Variants in ZNF689 observed in about 807,000 individuals in gnomAD.
The protein encoded by ZNF689 is zinc finger protein 689.
Under a neutral mutation model 37.2 loss-of-function variants are expected in ZNF689, and 14 were observed. That is an observed-to-expected ratio of 0.38 (90% CI 0.25 to 0.59). The LOEUF (loss-of-function observed/expected upper bound fraction) is 0.59, where lower values mean the gene tolerates loss of function less well. Among genes scored for constraint, ZNF689 ranks in the 20% least tolerant of loss-of-function variants. The probability of loss-of-function intolerance (pLI) is 0.68; values close to 1 mark genes in which losing one functional copy is unlikely to be tolerated. For missense variants in ZNF689, 573 were observed against 700.2 expected, an observed-to-expected ratio of 0.82 and a Z score of 2.05; for synonymous variants, 277 against 283.3, an observed-to-expected ratio of 0.98 and a Z score of 0.22.
chr16:30,610,702 G>A (rs1167414160), upstream of ZNF689: 1 of 152,360 alleles, frequency 6.6e-6, no homozygotes, highest in African/African-American at 2.4e-5. Flanking sequence ...CCGAGTTAGA[G>A]CTGAGATTAT....
At position 30,604,576 on chromosome 16, in the gene ZNF689, C is replaced by G; in HGVS notation, c.1191G>C (p.Glu397Asp). ...AGTCGTCGCAGGCGTGCAGCTTCTC[C>G]TCTGTGTGCGTGCTGCGATGGATGG... Reference protein sequence around the residue: ...SLAIHRSTHTEEKLHACDDCG... With the variant: ...SLAIHRSTHTDEKLHACDDCG... Residue 397 changes from glutamate (E) to aspartate (D), a missense_variant, in exon 3 of 3, where the codon GAG becomes GAC. This residue lies in a region of ZNF689 where 317 missense variants were observed against 367.1 expected (regional missense o/e 0.86). Coordinates refer to ENST00000287461, the MANE Select transcript of ZNF689 (RefSeq NM_138447.3). The surrounding 1 kb of genome is among the most constrained non-coding windows in gnomAD (Gnocchi z 5.2). The G allele has an allele frequency of 6.3e-7, 1 of 1,590,080 alleles. No individual in the cohort carries two copies. Among genetic ancestry groups the G allele is most frequent in the South Asian group, 1.1e-5 (1 of 88,558 alleles).
chr16:30,604,367 CG>C lies in ZNF689; in HGVS notation c.1399del (p.Arg467AlafsTer128), dbSNP rs2052012411. On this transcript the variant is annotated frameshift_variant, in exon 3 of 3. Transcript: ENST00000287461. LOFTEE classifies it low-confidence loss of function (END_TRUNC). The surrounding 1 kb of genome is among the most constrained non-coding windows in gnomAD (Gnocchi z 5.2). The stretch of plus-strand genomic sequence containing the variant: ...GTGGACAGCCAGAGACCACCTCTGG[CG>C]GAAGCACCGGCCACACTCGAGGCAG... The part of the protein sequence containing the change: ...FPCLECGRCF[R>X]QRWSLAVHKC... 1 of 1,613,416 alleles carries C rather than the reference CG, an allele frequency of 6.2e-7. No homozygotes were observed. Among genetic ancestry groups the C allele is most frequent in the Non-Finnish European group, 8.5e-7 (1 of 1,179,814 alleles).
Position 30,605,538 on chromosome 16 carries a change from C to T in ZNF689, c.320-91G>A. The T allele has an allele frequency of 7.4e-7, 1 of 1,347,598 alleles. No individual in the cohort carries two copies. The highest frequency in any genetic ancestry group is 1.0e-6 in the Non-Finnish European group (1 of 983,300). 83.5% of individuals were successfully genotyped at this position (1,347,598 alleles called of 1,614,324 possible). A position where few individuals can be genotyped will look rare whatever the true frequency, so the allele number is the denominator to read the frequency against. On this transcript the variant is annotated intron_variant, in intron 2 of 2. Coordinates refer to ENST00000287461, the MANE Select transcript of ZNF689 (RefSeq NM_138447.3). The surrounding 1 kb of genome is among the most constrained non-coding windows in gnomAD (Gnocchi z 5.1). Reference sequence around the variant, plus strand: ...GGTTACAAGACCAATAGACTCACCCCCTGGTCTCAATTCCTAGTGCCACAG... The same window carrying T: ...GGTTACAAGACCAATAGACTCACCCTCTGGTCTCAATTCCTAGTGCCACAG...
In ZNF689 at chr16:30,603,942, C is replaced by T. The variant is rs995868304; in HGVS notation, c.*322G>A. The stretch of plus-strand genomic sequence containing the variant: ...ATTCTCCTGATTGCATGCAAGATGA[C>T]AGGTAATCCCTGTGTGGACAGACTA... On this transcript the variant is annotated 3_prime_UTR_variant, in exon 3 of 3. Coordinates refer to ENST00000287461, the MANE Select transcript of ZNF689 (RefSeq NM_138447.3). 7 of 458,280 alleles carry T rather than the reference C, an allele frequency of 1.5e-5. No individual in the cohort carries two copies. Among genetic ancestry groups the T allele is most frequent in the African/African-American group, 1.2e-4 (6 of 50,574 alleles). 28.4% of individuals were successfully genotyped at this position (458,280 alleles called of 1,614,324 possible).
At chr16:30,609,022 C>T (rs2052062949) in intron 2 of ZNF689, among the ~76,000 whole-genome samples, 1 of 152,202 alleles carries the variant, frequency 6.6e-6, no homozygotes, top group South Asian at 2.1e-4. Flanking sequence ...AGCTGTTCCC[C>T]ATGAGCTCCC....
Position 30,604,495 on chromosome 16 carries a change from C to G in ZNF689, c.1272G>C (p.Ser424=). 1.3e-6 allele frequency: 2 copies of G among 1,599,598 alleles called. No individual in the cohort carries two copies. Among genetic ancestry groups the G allele is most frequent in the Non-Finnish European group, 8.5e-7 (1 of 1,173,474 alleles). The change falls in exon 3 of 3, where the codon TCG becomes TCC. Residue 424 remains serine, a synonymous_variant. Transcript: ENST00000287461. The surrounding 1 kb of genome is among the most constrained non-coding windows in gnomAD (Gnocchi z 5.2). ...SLLASHRRVH[S]GERPYACDLC... is the part of the protein sequence containing the mutation. ...GGTCGCAGGCATAGGGCCGCTCGCC[C>G]GAGTGCACGCGCCGGTGGCTGGCCA...
Position 30,604,819 on chromosome 16 carries a change from G to A in ZNF689, c.948C>T (p.Pro316=). The A allele has an allele frequency of 6.2e-7, 1 of 1,607,716 alleles. No homozygotes were observed. The change falls in exon 3 of 3, where the codon CCC becomes CCT. Residue 316 remains proline (P), a synonymous_variant. Transcript: ENST00000287461. The surrounding 1 kb of genome is among the most constrained non-coding windows in gnomAD (Gnocchi z 5.2). The part of the protein sequence containing the change: ...IHQRIHTGEK[P]YPCPDCERRF... ...GCCGCTCGCAGTCCGGGCACGGGTA[G>A]GGCTTCTCGCCCGTGTGGATGCGCT... is the stretch of plus-strand genomic sequence containing the variant.
At position 30,604,428 on chromosome 16, in the gene ZNF689, G is replaced by A; in HGVS notation, c.1339C>T (p.His447Tyr). 1.2e-6 allele frequency: 2 copies of A among 1,613,328 alleles called. No homozygotes were observed. Among genetic ancestry groups the A allele is most frequent in the Non-Finnish European group, 1.7e-6 (2 of 1,179,782 alleles). Residue 447 changes from histidine to tyrosine, a missense_variant, in exon 3 of 3, where the codon CAC becomes TAC. His to Tyr is a moderately conservative substitution (Grantham distance 83). Coordinates refer to ENST00000287461, the MANE Select transcript of ZNF689 (RefSeq NM_138447.3). The surrounding 1 kb of genome is among the most constrained non-coding windows in gnomAD (Gnocchi z 5.2). ...RFAQWSHLAQ[H>Y]QLLHTGEKPF... ...TTCTCCCCCGTGTGCAGCAGCTGGT[G>A]CTGGGCCAGGTGGCTCCACTGAGCA...
intron 1 of ZNF689, 45 bp from the exon 2 acceptor site, chr16:30,609,683 C>T: frequency 6.2e-7 from 1 of 1,612,334 alleles, no homozygotes; most frequent in South Asian, 1.1e-5. Flanking sequence ...TAGATCACGC[C>T]GAGTAGTATC....
chr16:30,605,149 A>G lies in ZNF689; in HGVS notation c.618T>C (p.Val206=). Residue 206 remains valine, a synonymous_variant, in exon 3 of 3, where the codon GTT becomes GTC. Coordinates refer to ENST00000287461, the MANE Select transcript of ZNF689 (RefSeq NM_138447.3). The surrounding 1 kb of genome is among the most constrained non-coding windows in gnomAD (Gnocchi z 5.1). ...RRAHSGECPY[V]CDQCGKRFSQ... is the part of the protein sequence containing the mutation. ...AGAAACGTTTGCCACACTGGTCACA[A>G]ACATAGGGGCACTCGCCGGAGTGTG... 1 of 1,613,032 alleles carries G rather than the reference A, an allele frequency of 6.2e-7. No individual in the cohort carries two copies. Among genetic ancestry groups the G allele is most frequent in the South Asian group, 1.1e-5 (1 of 90,994 alleles).
In ZNF689 at chr16:30,604,681, C is replaced by T. The variant is rs1295176902; in HGVS notation, c.1086G>A (p.Gln362=). ...TCTCTCCGGTGTGCAAGAGCTGGTGCTGGAGCAGCGTGCTGCGCTGGGAGA... is the reference window on the plus strand; with the variant it reads ...TCTCTCCGGTGTGCAAGAGCTGGTGTTGGAGCAGCGTGCTGCGCTGGGAGA... ...ARFSQRSTLL[Q]HQLLHTGEKP... is the part of the protein sequence containing the mutation. The change falls in exon 3 of 3, where the codon CAG becomes CAA. Residue 362 remains glutamine, a synonymous_variant. Transcript: ENST00000287461. This position sits in a 1 kb window ranked among gnomAD's most constrained non-coding sequence, Gnocchi z 5.2. 1.2e-5 allele frequency: 20 copies of T among 1,609,976 alleles called. No individual in the cohort carries two copies. Among genetic ancestry groups the T allele is most frequent in the South Asian group, 7.7e-5 (7 of 90,916 alleles).
Position 30,610,285 on chromosome 16 carries a change from T to C in ZNF689, c.-244A>G, listed in dbSNP as rs927791190. The C allele has an allele frequency of 3.7e-6, 2 of 543,020 alleles. No individual in the cohort carries two copies. The highest frequency in any genetic ancestry group is 6.5e-6 in the Non-Finnish European group (2 of 306,854). The allele number at this position is 543,020 out of a possible 1,614,324, so 33.6% of individuals were successfully genotyped here. On this transcript the variant is annotated 5_prime_UTR_variant, in exon 1 of 3. Coordinates refer to ENST00000287461, the MANE Select transcript of ZNF689 (RefSeq NM_138447.3). ...CCTTCGGGGAAAATGGCGGCGCTGC[T>C]ACCGCACCGCCTTTGCCTGGAACAC...
In ZNF689 at chr16:30,604,399, A is replaced by C; in HGVS notation, c.1368T>G (p.Pro456=). The C allele has an allele frequency of 6.2e-7, 1 of 1,613,742 alleles. No individual in the cohort carries two copies. Among genetic ancestry groups the C allele is most frequent in the Non-Finnish European group, 8.5e-7 (1 of 1,179,936 alleles). Residue 456 remains proline, a synonymous_variant, in exon 3 of 3, where the codon CCT becomes CCG. Transcript: ENST00000287461. This position sits in a 1 kb window ranked among gnomAD's most constrained non-coding sequence, Gnocchi z 5.2. ...ACCGGCCACACTCGAGGCAGGGGAAAGGCTTCTCCCCCGTGTGCAGCAGCT... is the reference window on the plus strand; with the variant it reads ...ACCGGCCACACTCGAGGCAGGGGAACGGCTTCTCCCCCGTGTGCAGCAGCT... The part of the protein sequence containing the change: ...QHQLLHTGEK[P]FPCLECGRCF...
At chr16:30,607,466 C>A (rs1441029404) in intron 2 of ZNF689, among the ~76,000 whole-genome samples, 3 of 151,628 alleles carry the variant, frequency 2.0e-5, no homozygotes, top group Non-Finnish European at 2.9e-5. Context: ...TGGCGGGCGC[C>A]TGTAATCCCA....
In ZNF689 at chr16:30,604,122, G is replaced by T; in HGVS notation, c.*142C>A. ...AGACACGCACAGGGAGGCAGCCAGC[G>T]CATTGCAAGATACAAAGTTCAGCTC... On this transcript the variant is annotated 3_prime_UTR_variant, in exon 3 of 3. Coordinates refer to ENST00000287461, the MANE Select transcript of ZNF689 (RefSeq NM_138447.3). The surrounding 1 kb of genome is among the most constrained non-coding windows in gnomAD (Gnocchi z 5.2). 1.1e-6 allele frequency: 1 copy of T among 899,546 alleles called. No homozygotes were observed. The highest frequency in any genetic ancestry group is 1.8e-6 in the Non-Finnish European group (1 of 555,158). 55.7% of individuals were successfully genotyped at this position (899,546 alleles called of 1,614,324 possible). A position where few individuals can be genotyped will look rare whatever the true frequency, so the allele number is the denominator to read the frequency against.
At position 30,609,782 on chromosome 16, in the gene ZNF689, T is replaced by A; in HGVS notation, c.205+55A>T. ...GACCGTGGCCTCCCTGCCTACACCC[T>A]CTCCGGCTCCTGCATCCCTTCGCGC... On this transcript the variant is annotated intron_variant, in intron 1 of 2. Transcript: ENST00000287461. 12 of 1,570,324 alleles carry A rather than the reference T, an allele frequency of 7.6e-6. No individual in the cohort carries two copies. In the South Asian group the frequency reaches 1.4e-4, roughly 18 times the overall value.
chr16:30,607,842 G>A (rs1269978277), intron 2 of ZNF689, among the ~76,000 whole-genome samples: 4 of 152,156 alleles, frequency 2.6e-5, no homozygotes, highest in Non-Finnish European at 1.5e-5. Context: ...GGCACCTGTA[G>A]TCCCACCTAC....
intron 2 of ZNF689, among the ~76,000 whole-genome samples, chr16:30,606,903 T>G (rs568628606): frequency 6.6e-6 from 1 of 152,290 alleles, no homozygotes; most frequent in East Asian, 1.9e-4. Flanking sequence ...CTTTTTTCTA[T>G]TTTACAGCTA....
rs778499152 is a variant in ZNF689, at chr16:30,604,919, T to G, written c.848A>C (p.His283Pro). Residue 283 changes from histidine (H) to proline (P), a missense_variant, in exon 3 of 3, where the codon CAC (histidine) becomes CCC (proline). Coordinates refer to ENST00000287461, the MANE Select transcript of ZNF689 (RefSeq NM_138447.3). The surrounding 1 kb of genome is among the most constrained non-coding windows in gnomAD (Gnocchi z 5.2). ...PSLLAIHQRT[H>P]TGEKPYTCLE... Reference sequence around the variant, plus strand: ...GCAAGTGTAGGGCTTCTCTCCCGTGTGTGTACGCTGGTGGATGGCTAGCAG... The same window carrying G: ...GCAAGTGTAGGGCTTCTCTCCCGTGGGTGTACGCTGGTGGATGGCTAGCAG... The G allele has an allele frequency of 6.4e-7, 1 of 1,572,850 alleles. No individual in the cohort carries two copies. Among genetic ancestry groups the G allele is most frequent in the African/African-American group, 1.3e-5 (1 of 74,236 alleles).
Sources: allele counts gnomAD v4.1 joint callset (sites outside exome capture counted in the v4.1 genomes callset), GRCh38; gene constraint gnomAD v4.1.1; regional missense constraint gnomAD v4.1.1; non-coding constraint Gnocchi (gnomAD v3.1); transcripts MANE v1.5; gene names NCBI Gene and HGNC (gene_info 2026-07-23, HGNC 2026-07-21).